The following LONRF1 variants were observed in gnomAD, a reference collection of about 807,000 sequenced individuals.
LONRF1 encodes the protein LON peptidase N-terminal domain and RING finger protein 1.
Under a neutral mutation model 85.8 loss-of-function variants are expected in LONRF1, and 37 were observed. The ratio of observed to expected loss-of-function variants is 0.43; its 90% CI spans 0.33 to 0.57. LONRF1 has a LOEUF of 0.57. LONRF1 is among the 20% of genes least tolerant of loss of function. LONRF1 has a pLI of 0.04. For missense variants in LONRF1, 1,036 were observed against 978.0 expected, an observed-to-expected ratio of 1.06 and a Z score of -0.79; for synonymous variants, 517 against 390.1, an observed-to-expected ratio of 1.33 and a Z score of -3.83.
Position 12,754,733 on chromosome 8 carries a change from C to T in LONRF1, c.688G>A (p.Ala230Thr). The T allele has an allele frequency of 1.4e-6, 2 of 1,423,054 alleles. No individual in the cohort carries two copies. Among genetic ancestry groups the T allele is most frequent in the Non-Finnish European group, 1.8e-6 (2 of 1,097,508 alleles). The allele number at this position is 1,423,054 out of a possible 1,614,324, so 88.2% of individuals were successfully genotyped here. The change falls in exon 1 of 12, where the codon GCC becomes ACC. Residue 230 changes from alanine (A) to threonine (T), a missense_variant. Ala to Thr is a moderately conservative substitution (Grantham distance 58, BLOSUM62 0). Around this residue, in one of 3 missense-constraint regions of LONRF1, gnomAD observed 742 missense variants for 614.4 expected, o/e 1.21. Transcript: ENST00000398246. Reference protein sequence around the residue: ...ELLHQGRYREALAAACEALRA... With the variant: ...ELLHQGRYRETLAAACEALRA... ...AGCGCCTCGCAGGCGGCGGCCAGGG[C>T]CTCCCGGTAGCGCCCCTGGTGCAGT...
chr8:12,738,319 T>C (rs1798800653), intron 3 of LONRF1, among the ~76,000 whole-genome samples, 175 bp from the exon 4 acceptor site: 1 of 152,132 alleles, frequency 6.6e-6, no homozygotes, highest in South Asian at 2.1e-4. Flanking sequence ...CAAAATTAGG[T>C]GTGCCTCATG....
intron 6 of LONRF1, 115 bp downstream of exon 6, chr8:12,736,586 G>C (rs1026061669): frequency 7.0e-6 from 5 of 718,592 alleles, no homozygotes; most frequent in Non-Finnish European, 8.8e-6. Context: ...CATGTCTTTT[G>C]ATTTTTATTC....
intron 1 of LONRF1, chr8:12,753,803 G>A (rs1799509409): frequency 6.6e-6 from 1 of 152,062 alleles, no homozygotes; most frequent in East Asian, 1.9e-4. Flanking sequence ...TGGAGACTAA[G>A]AAATGCACTC....
At chr8:12,749,254 C>T (rs1799284340) in intron 1 of LONRF1, among the ~76,000 whole-genome samples, 1 of 151,984 alleles carries the variant, frequency 6.6e-6, no homozygotes, top group African/African-American at 2.4e-5. Flanking sequence ...TAAATGGTAG[C>T]CTAGATAAGA....
intron 11 of LONRF1, among the ~76,000 whole-genome samples, chr8:12,724,044 C>T (rs972646276): frequency 3.3e-5 from 5 of 152,160 alleles, no homozygotes; most frequent in South Asian, 2.1e-4. Flanking sequence ...AAAGGAGCTA[C>T]GACATCAGTG....
At chr8:12,738,679 C>T (rs540444038) in intron 3 of LONRF1, 24 of 152,300 alleles carry the variant, frequency 1.6e-4, no homozygotes, top group African/African-American at 5.5e-4. Flanking sequence ...AGAAGCACCC[C>T]ATGGCAGCTT....
In LONRF1 at chr8:12,755,118, G is replaced by A. The variant is rs1166192293; in HGVS notation, c.303C>T (p.His101=). 6.9e-7 allele frequency: 1 copy of A among 1,458,610 alleles called. No homozygotes were observed. The highest frequency in any genetic ancestry group is 9.0e-7 in the Non-Finnish European group (1 of 1,109,776). 90.4% of individuals were successfully genotyped at this position (1,458,610 alleles called of 1,614,324 possible). A position where few individuals can be genotyped will look rare whatever the true frequency, so the allele number is the denominator to read the frequency against. The change falls in exon 1 of 12, where the codon CAC becomes CAT. Residue 101 remains histidine (H), a synonymous_variant. Coordinates refer to ENST00000398246, the MANE Select transcript of LONRF1 (RefSeq NM_152271.5). ...DCLVFNYRLR[H]GLGWSAAPVA... ...CCGGGGCCGCGCTCCAGCCCAGCCC[G>A]TGGCGGAGCCGGTAGTTGAACACCA...
chr8:12,747,299 A>G (rs1177428794), intron 1 of LONRF1, among the ~76,000 whole-genome samples: 1 of 151,658 alleles, frequency 6.6e-6, no homozygotes, highest in African/African-American at 2.4e-5. Flanking sequence ...ATGGTTTTCT[A>G]TCTTTGTTCC....
At chr8:12,729,419 T>A in intron 8 of LONRF1, 87 bp from the exon 9 acceptor site, 1 of 1,286,946 alleles carries the variant, frequency 7.8e-7, no homozygotes, top group South Asian at 1.4e-5. Flanking sequence ...TTTATAACAG[T>A]AATGAACTAA....
At chr8:12,746,791 A>C (rs1466380741) in intron 1 of LONRF1, among the ~76,000 whole-genome samples, 7 of 152,142 alleles carry the variant, frequency 4.6e-5, no homozygotes, top group Admixed American at 4.6e-4. Context: ...GGTGGATTCG[A>C]GATTCTAACT....
intron 1 of LONRF1, among the ~76,000 whole-genome samples, chr8:12,745,866 A>G (rs896918406): frequency 7.2e-5 from 11 of 152,168 alleles, no homozygotes; most frequent in African/African-American, 1.9e-4. Flanking sequence ...TCTTGTACCC[A>G]TATCTACCAG....
At chr8:12,744,931 G>T (rs1200712916) in intron 1 of LONRF1, among the ~76,000 whole-genome samples, 2 of 151,546 alleles carry the variant, frequency 1.3e-5, no homozygotes, top group Non-Finnish European at 2.9e-5. Context: ...CTTTATATTT[G>T]ATGACATGCA....
At chr8:12,731,267 A>G (rs189560625) in intron 8 of LONRF1, among the ~76,000 whole-genome samples, 34 of 152,106 alleles carry the variant, frequency 2.2e-4, no homozygotes, top group African/African-American at 8.2e-4. Context: ...TTAATTGAGG[A>G]TTTGGCCCTG....
intron 3 of LONRF1, chr8:12,738,791 G>C (rs1439105985): frequency 1.3e-5 from 2 of 152,304 alleles, no homozygotes; most frequent in Non-Finnish European, 1.5e-5. Flanking sequence ...AACAGGTTAA[G>C]ATAGGGGAAG....
intron 8 of LONRF1, 60 bp from the exon 9 acceptor site, chr8:12,729,392 AC>A: frequency 6.6e-7 from 1 of 1,522,176 alleles, no homozygotes; most frequent in Non-Finnish European, 9.0e-7. Flanking sequence ...CCGAACACAT[AC>A]AAAAAATGAG....
intron 1 of LONRF1, among the ~76,000 whole-genome samples, chr8:12,744,037 G>C (rs368385337): frequency 1.3e-5 from 2 of 152,098 alleles, no homozygotes. Context: ...CAGGTACACA[G>C]ATTCTAAAAC....
intron 3 of LONRF1, among the ~76,000 whole-genome samples, chr8:12,740,441 A>T (rs548607367): frequency 5.9e-5 from 9 of 152,304 alleles, no homozygotes; most frequent in African/African-American, 1.7e-4. Flanking sequence ...CAAAGTATGG[A>T]AAGTGACATA....
At chr8:12,738,397 G>C (rs1239396424) in intron 3 of LONRF1, among the ~76,000 whole-genome samples, 1 of 152,080 alleles carries the variant, frequency 6.6e-6, no homozygotes, top group Non-Finnish European at 1.5e-5. Context: ...GTAAGACTCA[G>C]GATAAAGGCT....
chr8:12,731,474 T>G (rs1798526959), intron 8 of LONRF1, among the ~76,000 whole-genome samples: 2 of 152,062 alleles, frequency 1.3e-5, no homozygotes, highest in Admixed American at 1.3e-4. Flanking sequence ...CCCATTCCAC[T>G]GCCTGATGGC....
Sources: gnomAD v4.1 joint callset for allele counts (sites outside exome capture counted in the v4.1 genomes callset) on GRCh38, gnomAD v4.1.1 for gene constraint, gnomAD v4.1.1 regional missense constraint, MANE v1.5 for transcripts, NCBI Gene and HGNC (gene_info 2026-07-23, HGNC 2026-07-21) for gene names.